Variants in TSHR observed in about 807,000 individuals in gnomAD.
TSHR encodes thyrotropin receptor.
In TSHR, 51 loss-of-function variants were observed where a neutral mutation model predicts 64.1. That is an observed-to-expected ratio of 0.80 (90% CI 0.64 to 1.01). The LOEUF (loss-of-function observed/expected upper bound fraction) is 1.01, where lower values mean the gene tolerates loss of function less well. TSHR is among the 50% of genes least tolerant of loss of function. TSHR has a pLI of 0.00. For synonymous variants in TSHR, 361 were observed against 361.9 expected (o/e 1.00, Z 0.03); for missense variants, 877 against 942.8 (o/e 0.93, Z 0.91).
chr14:80,985,928 C>T (rs1339135985), intron 1 of TSHR, among the ~76,000 whole-genome samples: 1 of 152,072 alleles, frequency 6.6e-6, no homozygotes, highest in Non-Finnish European at 1.5e-5. Context: ...ATCTTAATTC[C>T]AACTCTTCCT....
chr14:80,962,729 A>T (rs1486368294), intron 1 of TSHR, among the ~76,000 whole-genome samples: 1 of 152,220 alleles, frequency 6.6e-6, no homozygotes, highest in Admixed American at 6.5e-5. Context: ...GACTATGCAG[A>T]TGGAGGCCAA....
chr14:81,118,853 G>A (rs1474083438), intron 8 of TSHR, among the ~76,000 whole-genome samples: 2 of 150,398 alleles, frequency 1.3e-5, no homozygotes, highest in Non-Finnish European at 2.9e-5. Context: ...GAACAGAACA[G>A]AGCCCTCAGA....
intron 8 of TSHR, among the ~76,000 whole-genome samples, chr14:81,135,901 TC>T (rs1891436968): frequency 6.6e-6 from 1 of 152,146 alleles, no homozygotes; most frequent in Admixed American, 6.5e-5. Context: ...AGGCAGTTGT[TC>T]CCCCTGCTTG....
At chr14:81,139,481 CAAGGAG>C (rs1011478754) in intron 8 of TSHR, among the ~76,000 whole-genome samples, 192 bp from the exon 9 acceptor site, 2 of 152,150 alleles carry the variant, frequency 1.3e-5, no homozygotes, top group African/African-American at 4.8e-5. Context: ...ACTGGAATTC[CAAGGAG>C]TTCCTATAAC....
At chr14:81,054,769 G>A (rs1431435433) in intron 1 of TSHR, among the ~76,000 whole-genome samples, 1 of 152,124 alleles carries the variant, frequency 6.6e-6, no homozygotes, top group Non-Finnish European at 1.5e-5. Flanking sequence ...AAATTTCTAA[G>A]CATCAAAGCA....
In TSHR at chr14:81,091,140, T is replaced by A; in HGVS notation, c.464T>A (p.Ile155Lys). The A allele has an allele frequency of 6.2e-7, 1 of 1,611,152 alleles. No individual in the cohort carries two copies. The highest frequency in any genetic ancestry group is 8.5e-7 in the Non-Finnish European group (1 of 1,178,948). The change falls in exon 5 of 10, where the codon ATA (isoleucine) becomes AAA (lysine). Residue 155 changes from isoleucine to lysine, a missense_variant. Transcript: ENST00000298171. The part of the protein sequence containing the change: ...TKVYSTDIFF[I>K]LEITDNPYMT... ...GTTTATTCCACTGATATATTCTTTATACTGTAAGTATGCACACATGCCATG... is the reference window on the plus strand; with the variant it reads ...GTTTATTCCACTGATATATTCTTTAAACTGTAAGTATGCACACATGCCATG...
At position 81,143,740 on chromosome 14, in the gene TSHR, G is replaced by A. The variant is rs774590337; in HGVS notation, c.1682G>A (p.Ser561Asn). The A allele has an allele frequency of 2.5e-6, 4 of 1,614,056 alleles. No individual in the cohort carries two copies. In the African/African-American group the frequency reaches 5.3e-5, roughly 22 times the overall value. The change falls in exon 10 of 10, where the codon AGT becomes AAT. Residue 561 changes from serine (S) to asparagine (N), a missense_variant. Coordinates refer to ENST00000298171, the MANE Select transcript of TSHR (RefSeq NM_000369.5). ...GCCCTGCTTCCTTTGGTGGGAATAA[G>A]TAGCTATGCCAAAGTCAGTATCTGC... is the stretch of plus-strand genomic sequence containing the variant. Reference protein sequence around the residue: ...LLALLPLVGISSYAKVSICLP... With the variant: ...LLALLPLVGINSYAKVSICLP...
intron 9 of TSHR, among the ~76,000 whole-genome samples, chr14:81,140,918 G>A (rs976068443): frequency 2.6e-5 from 4 of 152,152 alleles, no homozygotes; most frequent in Admixed American, 1.3e-4. Flanking sequence ...TCAGGAGTTC[G>A]AGACCGGCCA....
At chr14:81,068,983 A>G (rs1886863651) in intron 3 of TSHR, among the ~76,000 whole-genome samples, 1 of 152,234 alleles carries the variant, frequency 6.6e-6, no homozygotes, top group African/African-American at 2.4e-5. Context: ...GTAGATTACA[A>G]TCTATAAAAA....
At chr14:81,043,638 G>A (rs182803624) in intron 1 of TSHR, among the ~76,000 whole-genome samples, 70 of 152,110 alleles carry the variant, frequency 4.6e-4, no homozygotes, top group African/African-American at 1.5e-3. Context: ...ACAATCCTAA[G>A]CAAAAAGAAC....
chr14:80,978,139 G>A (rs890845451), intron 1 of TSHR, among the ~76,000 whole-genome samples: 1 of 148,474 alleles, frequency 6.7e-6, no homozygotes, highest in Non-Finnish European at 1.5e-5. Flanking sequence ...ACATGCATGT[G>A]CACTTTTCTA....
At chr14:81,142,710 G>T (rs756293926) in intron 9 of TSHR, among the ~76,000 whole-genome samples, 1 of 150,868 alleles carries the variant, frequency 6.6e-6, no homozygotes, top group South Asian at 2.1e-4. Flanking sequence ...CCCAGGCTCA[G>T]GTGATTTTCC....
chr14:81,038,169 T>A (rs1884744986), intron 1 of TSHR, among the ~76,000 whole-genome samples: 1 of 151,942 alleles, frequency 6.6e-6, no homozygotes, highest in Non-Finnish European at 1.5e-5. Context: ...TAGAAACTGA[T>A]AAGAGGAAGA....
chr14:81,129,546 C>A (rs917395405), intron 8 of TSHR, among the ~76,000 whole-genome samples: 1 of 152,176 alleles, frequency 6.6e-6, no homozygotes, highest in African/African-American at 2.4e-5. Flanking sequence ...CTACCTGCTG[C>A]ACAGCAATCA....
chr14:80,988,988 C>A (rs1397516486), intron 1 of TSHR, among the ~76,000 whole-genome samples: 2 of 152,216 alleles, frequency 1.3e-5, no homozygotes, highest in East Asian at 3.9e-4. Context: ...TAGCCACACA[C>A]CAGTATTTTT....
chr14:81,038,443 A>G lies in TSHR; in HGVS notation c.171-23705A>G, dbSNP rs117627873. On this transcript the variant is annotated intron_variant, in intron 1 of 9. Transcript: ENST00000298171. ...TCAAGGAAGTAAAAAAAGAAAAAAAAAAGAACAAGCTAAATTTAAAATTAA... is the reference window on the plus strand; with the variant it reads ...TCAAGGAAGTAAAAAAAGAAAAAAAGAAGAACAAGCTAAATTTAAAATTAA... 4.6e-5 allele frequency among the ~76,000 whole-genome samples: 7 copies of G among 151,838 alleles called. No individual in the cohort carries two copies. The East Asian group carries it at 1.3e-3, about 29-fold the overall frequency.
At chr14:81,137,831 A>G (rs931781353) in intron 8 of TSHR, among the ~76,000 whole-genome samples, 1 of 152,234 alleles carries the variant, frequency 6.6e-6, no homozygotes, top group African/African-American at 2.4e-5. Context: ...ATGAACACAC[A>G]CAATCAGTGT....
intron 1 of TSHR, among the ~76,000 whole-genome samples, chr14:80,967,436 C>A (rs1205089157): frequency 4.0e-5 from 6 of 151,844 alleles, no homozygotes; most frequent in Admixed American, 3.9e-4. Context: ...AAGCATGTGC[C>A]ACCATACCTG....
intron 3 of TSHR, among the ~76,000 whole-genome samples, chr14:81,070,230 G>A (rs148709786): frequency 6.0e-4 from 91 of 152,286 alleles, no homozygotes; most frequent in Middle Eastern, 3.4e-3. Flanking sequence ...ATCAAGTCAC[G>A]TATGTTAGAA....
Sources: gnomAD v4.1 joint callset for allele counts (sites outside exome capture counted in the v4.1 genomes callset) on GRCh38, gnomAD v4.1.1 for gene constraint, MANE v1.5 for transcripts, NCBI Gene and HGNC (gene_info 2026-07-23, HGNC 2026-07-21) for gene names.